PHLPP1: variants seen among roughly 807,000 people sequenced by gnomAD.
PHLPP1 encodes the protein PH domain leucine-rich repeat-containing protein phosphatase 1.
Under a neutral mutation model 117.2 loss-of-function variants are expected in PHLPP1, and 42 were observed. That is an observed-to-expected ratio of 0.36 (90% CI 0.28 to 0.46). The LOEUF is 0.46. PHLPP1 is among the 20% of genes least tolerant of loss of function. The pLI is 1.00. For missense variants in PHLPP1, 2,084 were observed against 2,241.9 expected (o/e 0.93, Z 1.42); for synonymous variants, 1,042 against 970.7 (o/e 1.07, Z -1.37).
At chr18:62,936,157 G>T (rs115557420) in intron 10 of PHLPP1, among the ~76,000 whole-genome samples, 1 of 152,168 alleles carries the variant, frequency 6.6e-6, no homozygotes, top group African/African-American at 2.4e-5. Context: ...ACAAAATGAC[G>T]GGAGCATGTC....
chr18:62,778,911 T>C (rs1427444765), intron 1 of PHLPP1, among the ~76,000 whole-genome samples: 2 of 152,272 alleles, frequency 1.3e-5, no homozygotes, highest in Non-Finnish European at 2.9e-5. Flanking sequence ...CTGACTTCTT[T>C]GGTCCCACAA....
At chr18:62,736,464 T>G (rs1911371174) in intron 1 of PHLPP1, among the ~76,000 whole-genome samples, 1 of 152,166 alleles carries the variant, frequency 6.6e-6, no homozygotes, top group Admixed American at 6.5e-5. Flanking sequence ...TAACTGGCTC[T>G]TTTGGCAACA....
chr18:62,789,796 A>G (rs1444464207), intron 1 of PHLPP1, among the ~76,000 whole-genome samples: 1 of 152,220 alleles, frequency 6.6e-6, no homozygotes, highest in Non-Finnish European at 1.5e-5. Flanking sequence ...GCCGCACCCG[A>G]GACCAATTTA....
intron 10 of PHLPP1, among the ~76,000 whole-genome samples, chr18:62,924,684 A>G (rs1345503033): frequency 6.8e-6 from 1 of 147,534 alleles, no homozygotes; most frequent in Non-Finnish European, 1.5e-5. Flanking sequence ...TTGAAAAAAA[A>G]AAAAAAAAAA....
At chr18:62,870,183 A>T (rs1329383226) in intron 4 of PHLPP1, among the ~76,000 whole-genome samples, 2 of 152,136 alleles carry the variant, frequency 1.3e-5, no homozygotes, top group African/African-American at 4.8e-5. Context: ...GGTGTGAGCC[A>T]CTGTGCCCGG....
At chr18:62,796,506 T>C (rs1913634694) in intron 1 of PHLPP1, among the ~76,000 whole-genome samples, 1 of 152,262 alleles carries the variant, frequency 6.6e-6, no homozygotes, top group African/African-American at 2.4e-5. Context: ...AACTTTAACC[T>C]TCATTCCTTT....
chr18:62,721,038 C>T (rs576827430), intron 1 of PHLPP1, among the ~76,000 whole-genome samples: 73 of 152,162 alleles, frequency 4.8e-4, no homozygotes, highest in Non-Finnish European at 9.1e-4. Context: ...TTCCATGAAT[C>T]GATGCTAAAT....
chr18:62,849,944 T>A (rs1915295280), intron 3 of PHLPP1, among the ~76,000 whole-genome samples: 1 of 149,732 alleles, frequency 6.7e-6, no homozygotes, highest in Admixed American at 6.7e-5. Flanking sequence ...AAGGGTTAAA[T>A]TCTTCTACCC....
intron 1 of PHLPP1, among the ~76,000 whole-genome samples, chr18:62,742,434 A>T (rs1366998363): frequency 1.3e-5 from 2 of 151,996 alleles, no homozygotes; most frequent in Non-Finnish European, 2.9e-5. Context: ...TACTGGCTTC[A>T]TGTAATTTTT....
intron 4 of PHLPP1, among the ~76,000 whole-genome samples, chr18:62,868,820 G>A (rs994688914): frequency 2.6e-5 from 4 of 152,082 alleles, no homozygotes; most frequent in African/African-American, 9.7e-5. Flanking sequence ...TATGAAAGGA[G>A]ATAAAGGAGT....
At chr18:62,938,459 T>C (rs1910036173) in intron 10 of PHLPP1, among the ~76,000 whole-genome samples, 3 of 152,178 alleles carry the variant, frequency 2.0e-5, no homozygotes, top group Admixed American at 1.3e-4. Context: ...TGCTGAAACA[T>C]TGTGAGGTTT....
intron 14 of PHLPP1, among the ~76,000 whole-genome samples, chr18:62,968,686 C>T (rs985862922): frequency 4.0e-5 from 6 of 151,646 alleles, no homozygotes; most frequent in Admixed American, 1.3e-4. Context: ...TGCAGGTGTG[C>T]GCCACCACGC....
In PHLPP1 at chr18:62,806,866, AT is replaced by A. The variant is rs1913966275; in HGVS notation, c.1577-23167del. On this transcript the variant is annotated intron_variant, in intron 1 of 16. Coordinates refer to ENST00000262719, the MANE Select transcript of PHLPP1 (RefSeq NM_194449.4). ...TTGTTTGGGATTAGATGAGCTCAGG[AT>A]TGTCTATAGGAGATAAAGAGAGTCA... Among the ~76,000 whole-genome samples, 3 of 152,288 alleles carry A rather than the reference AT, an allele frequency of 2.0e-5. No individual in the cohort carries two copies. The South Asian group carries it at 6.2e-4, about 32-fold the overall frequency.
chr18:62,849,832 A>AAAAAAAAT (rs1555677083), intron 3 of PHLPP1, among the ~76,000 whole-genome samples: 8 of 33,090 alleles, frequency 2.4e-4, no homozygotes, highest in East Asian at 1.6e-3. Flanking sequence ...AAAAAAAAAA[A>AAAAAAAAT]ATATATATAT....
At chr18:62,793,607 G>A (rs1185935797) in intron 1 of PHLPP1, among the ~76,000 whole-genome samples, 1 of 152,176 alleles carries the variant, frequency 6.6e-6, no homozygotes, top group Non-Finnish European at 1.5e-5. Flanking sequence ...GTTATTGAGT[G>A]CTTGCTATGT....
chr18:62,803,810 A>G (rs2144303329), intron 1 of PHLPP1, among the ~76,000 whole-genome samples: 1 of 152,330 alleles, frequency 6.6e-6, no homozygotes, highest in East Asian at 1.9e-4. Flanking sequence ...TTTCCACAGC[A>G]ATATATGAGA....
intron 1 of PHLPP1, among the ~76,000 whole-genome samples, chr18:62,753,750 CTAA>C (rs1030072608): frequency 6.6e-6 from 1 of 152,136 alleles, no homozygotes; most frequent in Non-Finnish European, 1.5e-5. Context: ...ACAAATTAGG[CTAA>C]TAAAAGTATA....
At chr18:62,903,964 C>G (rs1312966297) in intron 7 of PHLPP1, among the ~76,000 whole-genome samples, 1 of 152,128 alleles carries the variant, frequency 6.6e-6, no homozygotes, top group Non-Finnish European at 1.5e-5. Flanking sequence ...TTTCCATTCC[C>G]TACAGTCAGT....
chr18:62,827,468 A>T (rs1308971610), intron 1 of PHLPP1, among the ~76,000 whole-genome samples: 2 of 152,196 alleles, frequency 1.3e-5, no homozygotes, highest in African/African-American at 4.8e-5. Context: ...GTCTGTTAAA[A>T]AGGAGGGTGC....
Sources: allele counts gnomAD v4.1 joint callset (sites outside exome capture counted in the v4.1 genomes callset), GRCh38; gene constraint gnomAD v4.1.1; transcripts MANE v1.5; gene names NCBI Gene and HGNC (gene_info 2026-07-23, HGNC 2026-07-21).